KANSL3: variants seen among roughly 807,000 people sequenced by gnomAD.
KANSL3 encodes NSL complex protein NSL3.
A neutral mutation model predicts 89.2 loss-of-function variants in KANSL3; 16 were observed. The observed-to-expected ratio is 0.18, with a 90% CI of 0.12 to 0.27. KANSL3 has a LOEUF of 0.27. KANSL3 is among the 10% of genes least tolerant of loss of function. The pLI, the probability that KANSL3 is intolerant of heterozygous loss-of-function variation, is 1.00. For missense variants in KANSL3, 879 were observed against 1,110.6 expected (o/e 0.79, Z 2.96); for synonymous variants, 385 against 419.7 (o/e 0.92, Z 1.01).
intron 3 of KANSL3, among the ~76,000 whole-genome samples, chr2:96,622,194 CAGG>C (rs1285657931): frequency 2.0e-5 from 3 of 151,882 alleles, no homozygotes; most frequent in Non-Finnish European, 2.9e-5. Flanking sequence ...GAGGCTGAGG[CAGG>C]AGGACAGCTT....
At chr2:96,607,227 A>C (rs1387981421) in intron 14 of KANSL3, among the ~76,000 whole-genome samples, 1 of 152,220 alleles carries the variant, frequency 6.6e-6, no homozygotes, top group Non-Finnish European at 1.5e-5. Context: ...GAATAGTACT[A>C]TCTGCCTCAT....
At chr2:96,600,785 T>C (rs1458133407) in intron 20 of KANSL3, 3 of 985,304 alleles carry the variant, frequency 3.0e-6, no homozygotes, top group Non-Finnish European at 3.6e-6. Context: ...AAACTAATCA[T>C]GACTTCCTGG....
At position 96,608,567 on chromosome 2, in the gene KANSL3, T is replaced by C. The variant is rs370084207; in HGVS notation, c.1682A>G (p.Gln561Arg). 43 of 1,614,034 alleles carry C rather than the reference T, an allele frequency of 2.7e-5. No individual in the cohort carries two copies. Among genetic ancestry groups the C allele is most frequent in the African/African-American group, 4.0e-5 (3 of 75,054 alleles). Residue 561 changes from glutamine (Q) to arginine (R), a missense_variant, in exon 14 of 21, where the codon CAG (glutamine) becomes CGG (arginine). This residue lies in a region of KANSL3 where 317 missense variants were observed against 311.2 expected (regional missense o/e 1.02). Coordinates refer to ENST00000431828, the MANE Select transcript of KANSL3 (RefSeq NM_001115016.3). ...AQKSSQIGSSQLLKRHVQRTE... is the reference protein window; with the variant it reads ...AQKSSQIGSSRLLKRHVQRTE... ...CCGCTGCACATGTCTCTTCAGCAGC[T>C]GAGAACTTCCAATCTGACTGGACTT...
chr2:96,585,490 A>C, the KANSL3 span, among the ~76,000 whole-genome samples: 5 of 152,198 alleles, frequency 3.3e-5, no homozygotes, highest in Non-Finnish European at 7.4e-5. Flanking sequence ...TGGCATGAAA[A>C]GGGAACACTT....
intron 19 of KANSL3, 58 bp downstream of exon 19, chr2:96,602,058 G>A: frequency 6.8e-7 from 1 of 1,473,540 alleles, no homozygotes; most frequent in Non-Finnish European, 9.2e-7. Flanking sequence ...GAGATGGGAA[G>A]GTCCTGGGGG....
At chr2:96,592,819 T>C (rs1170765584), downstream of KANSL3, among the ~76,000 whole-genome samples, 2 of 152,044 alleles carry the variant, frequency 1.3e-5, no homozygotes, top group Admixed American at 6.6e-5. Context: ...TTGGCCAACA[T>C]AGTGGAACCC....
At chr2:96,597,575 A>G (rs1281498195) in intron 20 of KANSL3, among the ~76,000 whole-genome samples, 1 of 152,144 alleles carries the variant, frequency 6.6e-6, no homozygotes, top group East Asian at 1.9e-4. Context: ...GACTCCTCCT[A>G]GCAATTACAT....
chr2:96,595,471 A>G lies in KANSL3; in HGVS notation c.*140T>C, dbSNP rs2066450675. The G allele has an allele frequency of 1.4e-6, 1 of 739,416 alleles. No individual in the cohort carries two copies. The highest frequency in any genetic ancestry group is 2.8e-5 in the Admixed American group (1 of 36,030). 45.8% of individuals were successfully genotyped at this position (739,416 alleles called of 1,614,324 possible). Reference sequence around the variant, plus strand: ...CTAACCTAATGGTTTCTCTGAAGACAGTTGGCGGAGAGGCAAAAATGACTG... The same window carrying G: ...CTAACCTAATGGTTTCTCTGAAGACGGTTGGCGGAGAGGCAAAAATGACTG... On this transcript the variant is annotated 3_prime_UTR_variant, in exon 21 of 21. Transcript: ENST00000431828.
intron 20 of KANSL3, chr2:96,600,632 A>G (rs1468962465): frequency 1.0e-6 from 1 of 985,338 alleles, no homozygotes; most frequent in Non-Finnish European, 1.2e-6. Context: ...TATAGCGGAT[A>G]CTGAAGGAAA....
intron 5 of KANSL3, among the ~76,000 whole-genome samples, chr2:96,617,452 C>T (rs2070372894): frequency 6.6e-6 from 1 of 151,436 alleles, no homozygotes; most frequent in African/African-American, 2.4e-5. Flanking sequence ...ACATAAGAAA[C>T]AATGAGTCTG....
At chr2:96,601,411 C>T (rs2067167276) in intron 20 of KANSL3, 5 of 985,382 alleles carry the variant, frequency 5.1e-6, no homozygotes, top group Non-Finnish European at 4.8e-6. Flanking sequence ...CTGCTACCCA[C>T]TTGAACATAT....
intron 2 of KANSL3, among the ~76,000 whole-genome samples, chr2:96,632,553 C>T (rs7584930): frequency 0.77 from 116,861 of 152,142 alleles, 46,114 homozygotes; most frequent in African/African-American, 0.94. Flanking sequence ...TAGTAGGCTA[C>T]AGCTCAGGAG....
chr2:96,586,798 T>C, the KANSL3 span, among the ~76,000 whole-genome samples: 1 of 152,260 alleles, frequency 6.6e-6, no homozygotes, highest in African/African-American at 2.4e-5. Flanking sequence ...ACTTCTGTCC[T>C]CTATACTTCT....
Position 96,619,769 on chromosome 2 carries a change from G to A in KANSL3, c.387-7C>T, listed in dbSNP as rs1399450371. ...GGCCATTGTCCAGCCAGTCCTATAA[G>A]GGAAACTCTGAGGAATTATAGTCAA... On this transcript the variant is annotated splice_polypyrimidine_tract_variant and splice_region_variant and intron_variant, in intron 3 of 20. Coordinates refer to ENST00000431828, the MANE Select transcript of KANSL3 (RefSeq NM_001115016.3). The A allele has an allele frequency of 5.8e-6, 9 of 1,551,932 alleles. No homozygotes were observed. The East Asian group carries it at 1.9e-4, about 34-fold the overall frequency.
chr2:96,580,897 T>C, the KANSL3 span, among the ~76,000 whole-genome samples: 1 of 152,126 alleles, frequency 6.6e-6, no homozygotes, highest in Middle Eastern at 3.2e-3. Context: ...GTGAGGCCAA[T>C]CCAGAGAAGC....
intron 20 of KANSL3, chr2:96,601,391 A>G (rs1186445111): frequency 1.0e-6 from 1 of 985,246 alleles, no homozygotes; most frequent in Non-Finnish European, 1.2e-6. Flanking sequence ...AAAACATTAA[A>G]TACTAGACAC....
intron 12 of KANSL3, 32 bp from the exon 13 acceptor site, chr2:96,609,096 T>G: frequency 1.3e-6 from 2 of 1,528,662 alleles, no homozygotes; most frequent in Non-Finnish European, 1.8e-6. Context: ...CAAGGCCTTT[T>G]AGTCCTCATC....
intron 2 of KANSL3, among the ~76,000 whole-genome samples, chr2:96,635,305 T>C (rs1283471134): frequency 1.3e-5 from 2 of 152,228 alleles, no homozygotes; most frequent in Non-Finnish European, 2.9e-5. Flanking sequence ...CCTACTGCTA[T>C]TATATTCTGG....
At chr2:96,636,457 T>A (rs539067143) in intron 2 of KANSL3, among the ~76,000 whole-genome samples, 4 of 152,272 alleles carry the variant, frequency 2.6e-5, no homozygotes, top group African/African-American at 9.6e-5. Flanking sequence ...AAAAGCAACG[T>A]CTTGGGAATT....
Sources: gnomAD v4.1 joint callset for allele counts (sites outside exome capture counted in the v4.1 genomes callset) on GRCh38, gnomAD v4.1.1 for gene constraint, gnomAD v4.1.1 regional missense constraint, MANE v1.5 for transcripts, NCBI Gene and HGNC (gene_info 2026-07-23, HGNC 2026-07-21) for gene names.